PCDHA11: variants seen among roughly 807,000 people sequenced by gnomAD.
PCDHA11 encodes protocadherin alpha-11.
A neutral mutation model predicts 70.3 loss-of-function variants in PCDHA11; 61 were observed. That is an observed-to-expected ratio of 0.87 (90% CI 0.71 to 1.07). PCDHA11 has a LOEUF of 1.07. Ranked by LOEUF, PCDHA11 falls within the 50% of genes least tolerant of loss-of-function variation. PCDHA11 has a pLI of 0.00. For synonymous variants in PCDHA11, 633 were observed against 555.1 expected (o/e 1.14, Z -1.97); for missense variants, 1,324 against 1,237.5 (o/e 1.07, Z -1.05).
At chr5:140,935,245 T>A (rs1409133658) in intron 1 of PCDHA11, among the ~76,000 whole-genome samples, 1 of 152,200 alleles carries the variant, frequency 6.6e-6, no homozygotes, top group Non-Finnish European at 1.5e-5. Flanking sequence ...TTTTAAAAGA[T>A]AAAATACATC....
chr5:140,923,200 G>C (rs2081224774), intron 1 of PCDHA11, among the ~76,000 whole-genome samples: 1 of 152,166 alleles, frequency 6.6e-6, no homozygotes, highest in Admixed American at 6.5e-5. Flanking sequence ...AGCAATTTGG[G>C]AGGCTAAGGT....
At chr5:140,883,303 T>C in intron 1 of PCDHA11, 3 of 1,614,096 alleles carry the variant, frequency 1.9e-6, no homozygotes, top group Non-Finnish European at 2.5e-6. Flanking sequence ...ATGTAAATGA[T>C]AACGCCCCAG....
chr5:140,895,822 T>A (rs1353175200), intron 1 of PCDHA11, among the ~76,000 whole-genome samples: 1 of 152,084 alleles, frequency 6.6e-6, no homozygotes, highest in Non-Finnish European at 1.5e-5. Context: ...TTGTATTGTA[T>A]TTTTTTCAGA....
intron 3 of PCDHA11, among the ~76,000 whole-genome samples, chr5:140,999,088 G>A (rs1429141341): frequency 1.3e-5 from 2 of 152,274 alleles, no homozygotes; most frequent in African/African-American, 4.8e-5. Flanking sequence ...TCCTTCAGAG[G>A]GCTATGGAGA....
chr5:140,925,061 C>T (rs968376229), intron 1 of PCDHA11, among the ~76,000 whole-genome samples: 2 of 147,510 alleles, frequency 1.4e-5, no homozygotes, highest in Non-Finnish European at 3.0e-5. Context: ...GACTGGGCAA[C>T]AAAGCAACAC....
chr5:140,928,155 C>T, intron 1 of PCDHA11: 2 of 1,614,178 alleles, frequency 1.2e-6, no homozygotes, highest in Non-Finnish European at 1.7e-6. Flanking sequence ...CAGATAGTGG[C>T]TCACCCCCAC....
intron 1 of PCDHA11, chr5:140,968,830 C>G: frequency 6.2e-7 from 1 of 1,614,198 alleles, no homozygotes; most frequent in Non-Finnish European, 8.5e-7. Context: ...CCAAAATCCT[C>G]CCTGACACTC....
Position 140,956,280 on chromosome 5 carries a change from G to A in PCDHA11, c.2392-22669G>A, listed in dbSNP as rs554735108. On this transcript the variant is annotated intron_variant, in intron 1 of 3. Coordinates refer to ENST00000398640, the MANE Select transcript of PCDHA11 (RefSeq NM_018902.5). ...GCCCATTCAGTGTGGTATTGGCTGT[G>A]GGTTTATCATATATATGGCTCTTAT... Among the ~76,000 whole-genome samples, 16 of 152,206 alleles carry A rather than the reference G, an allele frequency of 1.1e-4. No individual in the cohort carries two copies. In the South Asian group the frequency reaches 3.3e-3, roughly 32 times the overall value.
Position 140,885,215 on chromosome 5 carries a change from A to T in PCDHA11, c.2391+13721A>T, listed in dbSNP as rs564445744. Among the ~76,000 whole-genome samples the T allele has an allele frequency of 2.8e-3, 423 of 152,102 alleles. 2 individuals carry two copies. The highest frequency in any genetic ancestry group is 0.014 in the Middle Eastern group (4 of 294). On this transcript the variant is annotated intron_variant, in intron 1 of 3. Transcript: ENST00000398640. ...CCCTCTCATATATCCCATGAAAAAT[A>T]TCTTGTGATTCTGCTTTCAATTTTT... is the stretch of plus-strand genomic sequence containing the variant.
At chr5:140,930,616 G>T (rs2086997332) in intron 1 of PCDHA11, among the ~76,000 whole-genome samples, 2 of 152,154 alleles carry the variant, frequency 1.3e-5, no homozygotes, top group African/African-American at 4.8e-5. Context: ...TGCAAGAGAA[G>T]GAGGTGTGTA....
chr5:140,950,826 G>A (rs1554219646), intron 1 of PCDHA11, among the ~76,000 whole-genome samples: 1 of 151,824 alleles, frequency 6.6e-6, no homozygotes, highest in African/African-American at 2.4e-5. Flanking sequence ...TTAAAGTTTG[G>A]TCCTTTAAGA....
chr5:140,944,182 G>GTTTGT (rs750577669), intron 1 of PCDHA11, among the ~76,000 whole-genome samples: 5 of 152,052 alleles, frequency 3.3e-5, no homozygotes, highest in East Asian at 1.9e-4. Flanking sequence ...TTTTTTGTTG[G>GTTTGT]TTTGTTTTGT....
chr5:140,942,615 A>G (rs1310858123), intron 1 of PCDHA11, among the ~76,000 whole-genome samples: 1 of 101,274 alleles, frequency 9.9e-6, no homozygotes, highest in African/African-American at 4.7e-5. Context: ...ATATTTGCCA[A>G]TTGTAAAAAA....
At chr5:140,984,964 G>A (rs930753325) in intron 3 of PCDHA11, among the ~76,000 whole-genome samples, 1 of 151,936 alleles carries the variant, frequency 6.6e-6, no homozygotes. Context: ...TTGAGACAGA[G>A]TCTCGCTCTG....
intron 3 of PCDHA11, among the ~76,000 whole-genome samples, chr5:140,984,789 A>G (rs2097121266): frequency 6.6e-6 from 1 of 152,202 alleles, no homozygotes; most frequent in African/African-American, 2.4e-5. Context: ...GGGTGAGCAT[A>G]GACAAACTGC....
At chr5:140,927,581 C>T (rs1554204769) in intron 1 of PCDHA11, 1 of 1,614,150 alleles carries the variant, frequency 6.2e-7, no homozygotes, top group East Asian at 2.2e-5. Context: ...AATGACAACG[C>T]GCCTGTATTT....
Position 140,967,117 on chromosome 5 carries a change from C to T in PCDHA11, c.2392-11832C>T, listed in dbSNP as rs370329233. 7.4e-6 allele frequency: 12 copies of T among 1,612,904 alleles called. No individual in the cohort carries two copies. The East Asian group carries it at 1.6e-4, about 21-fold the overall frequency. On this transcript the variant is annotated intron_variant, in intron 1 of 3. Coordinates refer to ENST00000398640, the MANE Select transcript of PCDHA11 (RefSeq NM_018902.5). ...CGCTGTGTGAGCAGCGGCCTCGCTG[C>T]CTGCTCAGCTTGGAAGTGCTGGCGC...
intron 1 of PCDHA11, chr5:140,883,431 C>T: frequency 6.2e-7 from 1 of 1,614,172 alleles, no homozygotes. Flanking sequence ...GTCACCTGCA[C>T]CTTGACGCCG....
chr5:140,950,028 A>G (rs1288516742), intron 1 of PCDHA11, among the ~76,000 whole-genome samples: 6 of 151,954 alleles, frequency 3.9e-5, no homozygotes, highest in Non-Finnish European at 8.8e-5. Flanking sequence ...TAAAATATAG[A>G]AAAGTTACAA....
Sources: allele counts gnomAD v4.1 joint callset (sites outside exome capture counted in the v4.1 genomes callset), GRCh38; gene constraint gnomAD v4.1.1; transcripts MANE v1.5; gene names NCBI Gene and HGNC (gene_info 2026-07-23, HGNC 2026-07-21).